Variants in DRGX observed in about 807,000 individuals in gnomAD.
The protein encoded by DRGX is dorsal root ganglia homeobox.
Under a neutral mutation model 28.6 loss-of-function variants are expected in DRGX, and 21 were observed. The observed-to-expected ratio is 0.73, with a 90% confidence interval of 0.52 to 1.06. DRGX has a LOEUF of 1.06. Ranked by LOEUF, DRGX falls within the 50% of genes least tolerant of loss-of-function variation. DRGX has a pLI of 0.00. For synonymous variants in DRGX, 136 were observed against 139.1 expected (o/e 0.98, Z 0.16); for missense variants, 354 against 343.9 (o/e 1.03, Z -0.23).
At chr10:49,383,682 G>A (rs377000693) in intron 6 of DRGX, among the ~76,000 whole-genome samples, 1 of 152,222 alleles carries the variant, frequency 6.6e-6, no homozygotes, top group Non-Finnish European at 1.5e-5. Context: ...GGCCATGAGG[G>A]CGGAGCTCTC....
chr10:49,390,208 G>A lies in DRGX; in HGVS notation c.159C>T (p.Ala53=), dbSNP rs188251168. The part of the protein sequence containing the change: ...QQLEALEAVF[A]QTHYPDVFTR... ...TGAAGACATCTGGATAGTGTGTTTG[G>A]GCAAAAACGGCCTCGAGAGCTTCCA... The change falls in exon 4 of 7, where the codon GCC becomes GCT. Residue 53 remains alanine (A), a synonymous_variant. Transcript: ENST00000374139. The A allele has an allele frequency of 2.1e-4, 339 of 1,612,018 alleles. 1 individual carries two copies. In the East Asian group the frequency reaches 5.6e-3, roughly 27 times the overall value.
chr10:49,386,061 A>T (rs1287366890), intron 6 of DRGX, among the ~76,000 whole-genome samples: 1 of 151,986 alleles, frequency 6.6e-6, no homozygotes, highest in East Asian at 1.9e-4. Context: ...GACCTCTGGC[A>T]TCAGGAGACC....
Position 49,366,377 on chromosome 10 carries a change from G to A in DRGX, c.531C>T (p.Gly177=). Residue 177 remains glycine, a synonymous_variant, in exon 7 of 7, where the codon GGC becomes GGT. Transcript: ENST00000374139. ...ALSHVASLKG[G]PLCSCCVPDP... ...CTGGGACGCAGCAAGAGCACAGTGG[G>A]CCCCCTGGAAAAGGAAAAACAACAG... The A allele has an allele frequency of 6.3e-7, 1 of 1,597,752 alleles. No individual in the cohort carries two copies. Among genetic ancestry groups the A allele is most frequent in the Non-Finnish European group, 8.6e-7 (1 of 1,168,516 alleles).
At chr10:49,388,667 A>G (rs1259228881) in intron 4 of DRGX, among the ~76,000 whole-genome samples, 1 of 152,228 alleles carries the variant, frequency 6.6e-6, no homozygotes, top group East Asian at 1.9e-4. Context: ...ATGACTTTGC[A>G]CTGACAGTTC....
At chr10:49,369,406 A>G (rs531885707) in intron 6 of DRGX, among the ~76,000 whole-genome samples, 2 of 152,342 alleles carry the variant, frequency 1.3e-5, no homozygotes, top group Admixed American at 1.3e-4. Context: ...ATACCATGGA[A>G]TATGACTCAG....
chr10:49,373,378 T>C (rs1849681113), intron 6 of DRGX, among the ~76,000 whole-genome samples: 3 of 152,178 alleles, frequency 2.0e-5, no homozygotes, highest in African/African-American at 7.2e-5. Flanking sequence ...TAAGTCAACA[T>C]GAATACATTT....
intron 6 of DRGX, among the ~76,000 whole-genome samples, chr10:49,384,832 C>T (rs200920229): frequency 2.0e-5 from 3 of 152,340 alleles, no homozygotes; most frequent in East Asian, 3.9e-4. Context: ...CCACTGCTGG[C>T]GTCCAACGGG....
intron 6 of DRGX, among the ~76,000 whole-genome samples, chr10:49,384,390 C>A (rs1193615568): frequency 6.6e-6 from 1 of 152,176 alleles, no homozygotes; most frequent in Non-Finnish European, 1.5e-5. Flanking sequence ...CCCTGAAGGG[C>A]CCCTACAGTG....
Position 49,364,515 on chromosome 10 carries a change from T to A in DRGX, c.*1601A>T, listed in dbSNP as rs958213797. 3 of 152,240 alleles carry A rather than the reference T, an allele frequency of 2.0e-5. No homozygotes were observed. Among genetic ancestry groups the A allele is most frequent in the Non-Finnish European group, 4.4e-5 (3 of 68,044 alleles). 9.4% of individuals were successfully genotyped at this position (152,240 alleles called of 1,614,324 possible). ...GGAAATACGAGTTTAATCAAACAAT[T>A]AGATTGAAGAGTTAGTGTACATAAG... On this transcript the variant is annotated 3_prime_UTR_variant, in exon 7 of 7. Transcript: ENST00000374139.
chr10:49,390,244 G>A lies in DRGX; in HGVS notation c.133-10C>T. Reference sequence around the variant, plus strand: ...CCTCGAGAGCTTCCAGCTGGTAAAAGGAAAAAATATGTACTGGTGAGAGGC... The same window carrying A: ...CCTCGAGAGCTTCCAGCTGGTAAAAAGAAAAAATATGTACTGGTGAGAGGC... On this transcript the variant is annotated splice_polypyrimidine_tract_variant and intron_variant, in intron 3 of 6. Transcript: ENST00000374139. 1 of 1,602,148 alleles carries A rather than the reference G, an allele frequency of 6.2e-7. No individual in the cohort carries two copies. Among genetic ancestry groups the A allele is most frequent in the Non-Finnish European group, 8.5e-7 (1 of 1,173,988 alleles).
At chr10:49,382,670 CAT>C (rs1453980857) in intron 6 of DRGX, among the ~76,000 whole-genome samples, 2 of 152,180 alleles carry the variant, frequency 1.3e-5, no homozygotes, top group Admixed American at 1.3e-4. Flanking sequence ...CCACGTAACA[CAT>C]GTTCCACCCT....
At chr10:49,392,480 A>C (rs1323040552) in intron 2 of DRGX, among the ~76,000 whole-genome samples, 1 of 152,252 alleles carries the variant, frequency 6.6e-6, no homozygotes, top group Admixed American at 6.5e-5. Flanking sequence ...AGCTCATTGG[A>C]AACTTAAAAG....
At chr10:49,382,290 G>A (rs1336803150) in intron 6 of DRGX, among the ~76,000 whole-genome samples, 1 of 152,166 alleles carries the variant, frequency 6.6e-6, no homozygotes, top group African/African-American at 2.4e-5. Flanking sequence ...GTGTGAGCAA[G>A]CGACTTCCCC....
At chr10:49,371,123 G>GA (rs1849654821) in intron 6 of DRGX, among the ~76,000 whole-genome samples, 2 of 152,100 alleles carry the variant, frequency 1.3e-5, no homozygotes, top group South Asian at 4.2e-4. Context: ...TTTTGCAAAG[G>GA]AAAAAAATTA....
chr10:49,395,465 G>C lies in DRGX; in HGVS notation c.-25C>G, dbSNP rs1287790815. The C allele has an allele frequency of 5.2e-6, 8 of 1,549,650 alleles. 1 individual carries two copies. In the Admixed American group the frequency reaches 5.9e-5, roughly 11 times the overall value. On this transcript the variant is annotated 5_prime_UTR_variant, in exon 2 of 7. Transcript: ENST00000374139. The stretch of plus-strand genomic sequence containing the variant: ...TCGCCGGCTGTCAGATCGGCTGGAC[G>C]GCCGAGACCTGGGAGGGTGGCAGCA...
intron 6 of DRGX, among the ~76,000 whole-genome samples, chr10:49,378,159 AT>A (rs1431785080): frequency 6.6e-6 from 1 of 152,206 alleles, no homozygotes; most frequent in Non-Finnish European, 1.5e-5. Context: ...GAAATTCAAT[AT>A]TCATTAATAT....
rs545482592 is a variant in DRGX, at chr10:49,371,187, C to T, written c.527-4806G>A. Among the ~76,000 whole-genome samples the T allele has an allele frequency of 1.4e-4, 21 of 152,314 alleles. No homozygotes were observed. The South Asian group carries it at 1.9e-3, about 14-fold the overall frequency. ...GACTCTTGATTTCTCAGTGATCTGA[C>T]AGTATCAATATGCCGCCTGCACAAA... On this transcript the variant is annotated intron_variant, in intron 6 of 6. Transcript: ENST00000374139.
At chr10:49,371,616 A>T (rs1460543683) in intron 6 of DRGX, among the ~76,000 whole-genome samples, 1 of 151,964 alleles carries the variant, frequency 6.6e-6, no homozygotes, top group Non-Finnish European at 1.5e-5. Context: ...ACATGGTGAA[A>T]CCCCATCTGT....
chr10:49,365,522 G>A lies in DRGX; in HGVS notation c.*594C>T, dbSNP rs549343737. The A allele has an allele frequency of 6.6e-6, 1 of 152,398 alleles. No homozygotes were observed. The highest frequency in any genetic ancestry group is 2.1e-4 in the South Asian group (1 of 4,830). The allele number at this position is 152,398 out of a possible 1,614,324, so 9.4% of individuals were successfully genotyped here. A position where few individuals can be genotyped will look rare whatever the true frequency, so the allele number is the denominator to read the frequency against. ...GGTCAGAGCCACCGTGGTCCTCTGG[G>A]ACAGGCTGTGTCCTGTTGGCCCCTC... On this transcript the variant is annotated 3_prime_UTR_variant, in exon 7 of 7. Coordinates refer to ENST00000374139, the MANE Select transcript of DRGX (RefSeq NM_001276451.2).
Sources: gnomAD v4.1 joint callset for allele counts (sites outside exome capture counted in the v4.1 genomes callset) on GRCh38, gnomAD v4.1.1 for gene constraint, MANE v1.5 for transcripts, NCBI Gene and HGNC (gene_info 2026-07-23, HGNC 2026-07-21) for gene names.